The following ARAP2 variants were observed in gnomAD, a reference collection of about 807,000 sequenced individuals.
ARAP2 encodes ArfGAP with RhoGAP domain, ankyrin repeat and PH domain 2.
ARAP2 carries 148 observed loss-of-function variants against 194.5 expected under a neutral mutation model. The observed-to-expected ratio is 0.76, with a 90% CI of 0.67 to 0.87. The LOEUF (loss-of-function observed/expected upper bound fraction) is 0.87. Among genes scored for constraint, ARAP2 ranks in the 40% least tolerant of loss-of-function variants. The pLI, the probability that ARAP2 is intolerant of heterozygous loss-of-function variation, is 0.00. For missense variants in ARAP2, 2,128 were observed against 1,989.7 expected (o/e 1.07, Z -1.32); for synonymous variants, 695 against 683.5 (o/e 1.02, Z -0.26).
At chr4:36,170,928 C>T (rs1736465048) in intron 9 of ARAP2, among the ~76,000 whole-genome samples, 1 of 151,132 alleles carries the variant, frequency 6.6e-6, no homozygotes, top group African/African-American at 2.4e-5. Context: ...CAGAAAAATG[C>T]AGTAGGTGGA....
At position 36,021,795 on chromosome 4, in the gene ARAP2, T is replaced by C. The variant is rs190112877; in HGVS notation, n.608-2509A>G. On this transcript the variant is annotated intron_variant and non_coding_transcript_variant, in intron 5 of 12. Coordinates refer to the ARAP2 transcript ENST00000503225. ...TAGATAGAGAAAAATAAGAGAACCA[T>C]TGGTGAGCATGCCAATGAGTTTATG... is the stretch of plus-strand genomic sequence containing the variant. Among the ~76,000 whole-genome samples, 3 of 152,282 alleles carry C rather than the reference T, an allele frequency of 2.0e-5. No homozygotes were observed. In the East Asian group the frequency reaches 5.8e-4, roughly 29 times the overall value.
At chr4:36,156,389 G>GAGAAAGAA (rs1190805215) in intron 15 of ARAP2, among the ~76,000 whole-genome samples, 204 of 12,556 alleles carry the variant, frequency 0.016, 4 homozygotes, top group Middle Eastern at 0.071. Context: ...AAGAGAGAGA[G>GAGAAAGAA]AGAAAGAAAG....
intron 12 of ARAP2, among the ~76,000 whole-genome samples, chr4:36,160,892 A>G (rs1733747969): frequency 6.6e-6 from 1 of 152,214 alleles, no homozygotes; most frequent in Non-Finnish European, 1.5e-5. Context: ...CACAAATTGT[A>G]GCAAAAGTAT....
intron 9 of ARAP2, among the ~76,000 whole-genome samples, chr4:36,170,911 G>T (rs1213110155): frequency 6.6e-6 from 1 of 151,936 alleles, no homozygotes; most frequent in African/African-American, 2.4e-5. Flanking sequence ...GTCTAAAAAT[G>T]AGATAACAGA....
chr4:36,232,616 T>C (rs1751708175), intron 1 of ARAP2, among the ~76,000 whole-genome samples: 2 of 152,238 alleles, frequency 1.3e-5, no homozygotes, highest in Non-Finnish European at 2.9e-5. Context: ...GGCAACAAAC[T>C]GTTTAGCAGC....
At chr4:36,200,476 A>G (rs1043458967) in intron 6 of ARAP2, among the ~76,000 whole-genome samples, 13 of 151,918 alleles carry the variant, frequency 8.6e-5, no homozygotes, top group Non-Finnish European at 1.9e-4. Context: ...GCTGGTCTCA[A>G]ACTCCCAACC....
intron 19 of ARAP2, among the ~76,000 whole-genome samples, chr4:36,133,593 G>T (rs945438519): frequency 6.6e-6 from 1 of 151,586 alleles, no homozygotes; most frequent in East Asian, 1.9e-4. Context: ...TGAATTTATG[G>T]TCTCACTTCT....
intron 9 of ARAP2, among the ~76,000 whole-genome samples, chr4:36,168,881 G>C (rs79273354): frequency 2.0e-5 from 3 of 152,088 alleles, no homozygotes; most frequent in African/African-American, 7.2e-5. Flanking sequence ...TGATCTCTAC[G>C]GAAGGAAGAA....
intron 5 of ARAP2, among the ~76,000 whole-genome samples, chr4:36,210,967 G>A (rs761999433): frequency 3.9e-5 from 6 of 151,956 alleles, no homozygotes; most frequent in Admixed American, 2.0e-4. Flanking sequence ...TTTTTTCTTA[G>A]GTATAATTTA....
chr4:36,045,628 A>C (rs1721690569), intron 5 of ARAP2, among the ~76,000 whole-genome samples: 1 of 152,208 alleles, frequency 6.6e-6, no homozygotes, highest in Non-Finnish European at 1.5e-5. Flanking sequence ...GTCATCAATT[A>C]CACAGGATGG....
intron 3 of ARAP2, among the ~76,000 whole-genome samples, chr4:36,051,304 C>T (rs1378432066): frequency 1.3e-5 from 2 of 152,152 alleles, no homozygotes; most frequent in South Asian, 4.1e-4. Context: ...CATGGTGAAA[C>T]CCCTTCTCTA....
chr4:36,229,274 C>A lies in ARAP2; in HGVS notation c.213G>T (p.Met71Ile). 6.2e-7 allele frequency: 1 copy of A among 1,613,904 alleles called. No homozygotes were observed. Among genetic ancestry groups the A allele is most frequent in the Non-Finnish European group, 8.5e-7 (1 of 1,179,866 alleles). ...LKQLQIILSK[M>I]QDIPIYANVH... Reference sequence around the variant, plus strand: ...CATTTGCATATATTGGAATATCTTGCATTTTTGACAAGATTATCTGTAACT... The same window carrying A: ...CATTTGCATATATTGGAATATCTTGAATTTTTGACAAGATTATCTGTAACT... Residue 71 changes from methionine to isoleucine, a missense_variant, in exon 2 of 33, where the codon ATG (methionine) becomes ATT (isoleucine). Physicochemically the swap from Met to Ile is conservative, Grantham distance 10. Coordinates refer to ENST00000303965, the MANE Select transcript of ARAP2 (RefSeq NM_015230.4).
intron 4 of ARAP2, chr4:36,046,145 G>T (rs1183540993): frequency 6.6e-6 from 1 of 152,098 alleles, no homozygotes; most frequent in Non-Finnish European, 1.5e-5. Flanking sequence ...TATATTCATT[G>T]TACCAGCCTA....
rs1470390095 is a variant in ARAP2, at chr4:36,161,363, C to T, written c.2259+102G>A. 1.4e-5 allele frequency: 12 copies of T among 836,354 alleles called. No homozygotes were observed. The East Asian group carries it at 2.6e-4, about 18-fold the overall frequency. 51.8% of individuals were successfully genotyped at this position (836,354 alleles called of 1,614,324 possible). ...ATGTGGTGAGAACTTTATCAAACAG[C>T]CCCGAGAAAAATTCCTGCCACCCAA... On this transcript the variant is annotated intron_variant, in intron 12 of 32. Transcript: ENST00000303965.
chr4:36,164,536 C>G (rs556818091), intron 11 of ARAP2, among the ~76,000 whole-genome samples: 9 of 152,260 alleles, frequency 5.9e-5, no homozygotes, highest in African/African-American at 1.9e-4. Flanking sequence ...CAAAACAACA[C>G]TGAGGTGAAA....
chr4:36,187,667 T>C (rs1287985892), intron 7 of ARAP2, 96 bp from the exon 8 acceptor site: 13 of 1,104,768 alleles, frequency 1.2e-5, no homozygotes, highest in Non-Finnish European at 1.6e-5. Context: ...TGCTTCTCTT[T>C]ATAATTTCAA....
rs572290205 is a variant in ARAP2 at position 36,074,446 on chromosome 4, A to G, written c.4609-623T>C. Among the ~76,000 whole-genome samples the G allele has an allele frequency of 3.0e-4, 45 of 152,192 alleles. 1 individual carries two copies. Among genetic ancestry groups the G allele is most frequent in the Admixed American group, 2.4e-3 (36 of 15,262 alleles). ...TCTTGCCTTCTAAATAATTATACAT[A>G]TGACTGGAGAAAGGTTAATTTGGAT... is the stretch of plus-strand genomic sequence containing the variant. On this transcript the variant is annotated intron_variant, in intron 31 of 32. Coordinates refer to ENST00000303965, the MANE Select transcript of ARAP2 (RefSeq NM_015230.4).
chr4:36,121,211 C>A lies in ARAP2; in HGVS notation c.3862G>T (p.Asp1288Tyr), dbSNP rs778593463. 4 of 1,601,428 alleles carry A rather than the reference C, an allele frequency of 2.5e-6. No homozygotes were observed. The East Asian group carries it at 9.0e-5, about 36-fold the overall frequency. The change falls in exon 23 of 33, where the codon GAC becomes TAC. Residue 1288 changes from aspartate (D) to tyrosine (Y), a missense_variant. By Grantham distance (160) the Asp-to-Tyr change is radical (BLOSUM62 -3). Coordinates refer to ENST00000303965, the MANE Select transcript of ARAP2 (RefSeq NM_015230.4). ...ATTTCTACATAATTATTAATTAGGT[C>A]CTCAATTACATTCACTTCTTCACTA... ...QTSEEVNVIE[D>Y]LINNYVEIFE... is the part of the protein sequence containing the mutation.
At chr4:36,128,321 A>G (rs555130291) in intron 21 of ARAP2, among the ~76,000 whole-genome samples, 3 of 152,074 alleles carry the variant, frequency 2.0e-5, no homozygotes, top group Non-Finnish European at 4.4e-5. Flanking sequence ...GAATATTTTG[A>G]ATTTCTCTTG....
Sources: allele counts gnomAD v4.1 joint callset (sites outside exome capture counted in the v4.1 genomes callset), GRCh38; gene constraint gnomAD v4.1.1; transcripts MANE v1.5; gene names NCBI Gene and HGNC (gene_info 2026-07-23, HGNC 2026-07-21).